The following SUGP1 variants were observed in gnomAD, a reference collection of about 807,000 sequenced individuals.
SUGP1 encodes SURP and G-patch domain-containing protein 1.
A neutral mutation model predicts 76.5 loss-of-function variants in SUGP1; 34 were observed. The ratio of observed to expected loss-of-function variants is 0.44; its 90% CI spans 0.34 to 0.59. SUGP1 has a LOEUF of 0.59. Ranked by LOEUF, SUGP1 falls within the 20% of genes least tolerant of loss-of-function variation. The pLI, the probability that SUGP1 is intolerant of heterozygous loss-of-function variation, is 0.01. For synonymous variants in SUGP1, 326 were observed against 326.2 expected (o/e 1.00, Z 0.01); for missense variants, 752 against 851.7 (o/e 0.88, Z 1.46).
At chr19:19,310,729 C>T (rs376832268) in intron 2 of SUGP1, among the ~76,000 whole-genome samples, 1 of 152,178 alleles carries the variant, frequency 6.6e-6, no homozygotes, top group Non-Finnish European at 1.5e-5. Context: ...CTGCAACCTC[C>T]TCCACCCAGG....
intron 8 of SUGP1, among the ~76,000 whole-genome samples, chr19:19,288,258 T>C (rs953772797): frequency 1.3e-5 from 2 of 152,100 alleles, no homozygotes; most frequent in Admixed American, 6.6e-5. Context: ...CTCAAATTCC[T>C]GGACTCGTGT....
intron 1 of SUGP1, 61 bp downstream of exon 1, chr19:19,320,401 CA>C (rs1414631526): frequency 1.3e-6 from 2 of 1,578,580 alleles, no homozygotes; most frequent in African/African-American, 2.7e-5. Context: ...CCCGAGGAGT[CA>C]GGGGAGACAC....
At chr19:19,308,475 A>G (rs531538940) in intron 3 of SUGP1, among the ~76,000 whole-genome samples, 2 of 152,392 alleles carry the variant, frequency 1.3e-5, no homozygotes, top group East Asian at 1.9e-4. Flanking sequence ...AGCAAGGGAC[A>G]TGGCAGGCAC....
intron 11 of SUGP1, among the ~76,000 whole-genome samples, chr19:19,278,463 C>T (rs1267652924): frequency 4.7e-5 from 7 of 149,672 alleles, no homozygotes; most frequent in Admixed American, 1.3e-4. Context: ...AGCAAAATTT[C>T]CCCCGCAGCC....
chr19:19,284,912 C>G (rs923060806), intron 8 of SUGP1, among the ~76,000 whole-genome samples: 3 of 149,038 alleles, frequency 2.0e-5, no homozygotes, highest in Non-Finnish European at 4.4e-5. Context: ...CTCGCTCTTT[C>G]GCCCAGGCCG....
At chr19:19,286,366 AC>A (rs2061140176) in intron 8 of SUGP1, among the ~76,000 whole-genome samples, 1 of 152,204 alleles carries the variant, frequency 6.6e-6, no homozygotes, top group Non-Finnish European at 1.5e-5. Flanking sequence ...ACGGAAGAGA[AC>A]CTCAGCAGAG....
chr19:19,300,440 G>C (rs2061262443), intron 7 of SUGP1, among the ~76,000 whole-genome samples: 1 of 152,270 alleles, frequency 6.6e-6, no homozygotes, highest in Non-Finnish European at 1.5e-5. Flanking sequence ...GGGTATGCCT[G>C]GCCCACAGGC....
intron 8 of SUGP1, 159 bp from the exon 9 acceptor site, chr19:19,280,450 G>T (rs543755115): frequency 4.5e-6 from 3 of 661,776 alleles, no homozygotes; most frequent in South Asian, 3.6e-5. Flanking sequence ...TGACGGCCTC[G>T]GGGTCCCGCT....
intron 8 of SUGP1, among the ~76,000 whole-genome samples, chr19:19,287,164 G>A (rs149319510): frequency 7.2e-5 from 11 of 152,120 alleles, no homozygotes; most frequent in South Asian, 6.2e-4. Flanking sequence ...CAAGCTGCTC[G>A]GAAGACTGAG....
intron 4 of SUGP1, 107 bp downstream of exon 4, chr19:19,305,742 A>G: frequency 8.6e-7 from 1 of 1,161,026 alleles, no homozygotes. Flanking sequence ...GCTGCAACTC[A>G]GCCGAAAGCA....
chr19:19,312,633 AG>A (rs1478034089), intron 2 of SUGP1, among the ~76,000 whole-genome samples: 3 of 152,240 alleles, frequency 2.0e-5, no homozygotes, highest in African/African-American at 7.2e-5. Flanking sequence ...GGCCATCCAC[AG>A]GGAAGATGGG....
rs1315322270 is a variant in SUGP1, at chr19:19,278,726, C to T, written c.1599G>A (p.Glu533=). ...HFIGDFLPPD[E]LEKFMETFKA... The stretch of plus-strand genomic sequence containing the variant: ...TGAAGGTCTCCATAAACTTTTCCAG[C>T]TCGTCTGGAGGCAGGAAGTCTCCGA... The change falls in exon 11 of 14, where the codon GAG becomes GAA. Residue 533 remains glutamate, a synonymous_variant. Transcript: ENST00000247001. 1 of 1,613,970 alleles carries T rather than the reference C, an allele frequency of 6.2e-7. No homozygotes were observed. Among genetic ancestry groups the T allele is most frequent in the South Asian group, 1.1e-5 (1 of 91,024 alleles).
At chr19:19,301,223 C>G (rs1169101409) in intron 7 of SUGP1, among the ~76,000 whole-genome samples, 1 of 152,080 alleles carries the variant, frequency 6.6e-6, no homozygotes, top group Non-Finnish European at 1.5e-5. Flanking sequence ...AACTCCAGGC[C>G]TAAACAATCC....
chr19:19,287,999 T>C (rs547237608), intron 8 of SUGP1, among the ~76,000 whole-genome samples: 7 of 152,276 alleles, frequency 4.6e-5, no homozygotes, highest in African/African-American at 1.7e-4. Context: ...AAGATGACCT[T>C]TGTGATGATC....
intron 10 of SUGP1, 22 bp downstream of exon 10, chr19:19,279,191 C>G: frequency 6.4e-7 from 1 of 1,552,104 alleles, no homozygotes; most frequent in Non-Finnish European, 8.7e-7. Context: ...CCCAGCCCGG[C>G]CCACCCCGCT....
chr19:19,304,837 C>A (rs1286882025), intron 4 of SUGP1, among the ~76,000 whole-genome samples: 6 of 152,094 alleles, frequency 3.9e-5, no homozygotes, highest in Non-Finnish European at 7.4e-5. Flanking sequence ...CCAACGAGGG[C>A]CCCTGTGAGG....
At chr19:19,312,165 G>A (rs866446155) in intron 2 of SUGP1, among the ~76,000 whole-genome samples, 3 of 151,428 alleles carry the variant, frequency 2.0e-5, no homozygotes, top group Admixed American at 6.6e-5. Context: ...AGGTCAAGGC[G>A]GAAGTGGGCC....
intron 3 of SUGP1, among the ~76,000 whole-genome samples, chr19:19,309,875 G>C (rs1568634538): frequency 2.0e-5 from 3 of 152,168 alleles, no homozygotes; most frequent in African/African-American, 7.2e-5. Context: ...TCGCGCCACC[G>C]CACTCCAGCC....
intron 8 of SUGP1, among the ~76,000 whole-genome samples, chr19:19,283,211 C>G (rs915645821): frequency 1.3e-5 from 2 of 152,166 alleles, no homozygotes; most frequent in Admixed American, 6.5e-5. Flanking sequence ...TGCACACAGA[C>G]TGTACATAAT....
Sources: gnomAD v4.1 joint callset for allele counts (sites outside exome capture counted in the v4.1 genomes callset) on GRCh38, gnomAD v4.1.1 for gene constraint, MANE v1.5 for transcripts, NCBI Gene and HGNC (gene_info 2026-07-23, HGNC 2026-07-21) for gene names.